RABGAP1L: variants seen among roughly 807,000 people sequenced by gnomAD.
RABGAP1L encodes the protein rab GTPase-activating protein 1-like.
A neutral mutation model predicts 137.7 loss-of-function variants in RABGAP1L; 63 were observed. That is an observed-to-expected ratio of 0.46 (90% CI 0.37 to 0.56). The LOEUF (loss-of-function observed/expected upper bound fraction) is 0.56. Ranked by LOEUF, RABGAP1L falls within the 20% of genes least tolerant of loss-of-function variation. RABGAP1L has a pLI of 0.00. For synonymous variants in RABGAP1L, 431 were observed against 433.7 expected (o/e 0.99, Z 0.08); for missense variants, 1,095 against 1,244.0 (o/e 0.88, Z 1.80).
At chr1:174,903,546 A>C (rs928453394) in intron 19 of RABGAP1L, among the ~76,000 whole-genome samples, 2 of 152,210 alleles carry the variant, frequency 1.3e-5, no homozygotes, top group Non-Finnish European at 2.9e-5. Flanking sequence ...GGGAAAGAGA[A>C]TTCTCAGCAA....
intron 19 of RABGAP1L, among the ~76,000 whole-genome samples, chr1:174,914,202 A>G (rs1289362711): frequency 6.6e-6 from 1 of 152,206 alleles, no homozygotes; most frequent in African/African-American, 2.4e-5. Flanking sequence ...TGAGAGGTCC[A>G]AGGCCAGTAG....
intron 13 of RABGAP1L, among the ~76,000 whole-genome samples, chr1:174,610,426 G>A (rs1345514875): frequency 2.0e-5 from 3 of 151,794 alleles, no homozygotes; most frequent in Non-Finnish European, 2.9e-5. Flanking sequence ...TGGTGTATAT[G>A]TGCCACATTT....
chr1:174,661,962 A>C (rs1398974142), intron 14 of RABGAP1L, among the ~76,000 whole-genome samples: 2 of 152,116 alleles, frequency 1.3e-5, no homozygotes, highest in Non-Finnish European at 2.9e-5. Context: ...ATAGTAAACA[A>C]CTATATTACT....
chr1:174,513,698 C>A (rs925397079), intron 13 of RABGAP1L, among the ~76,000 whole-genome samples: 50 of 152,216 alleles, frequency 3.3e-4, no homozygotes, highest in African/African-American at 1.1e-3. Flanking sequence ...TAAGCTATAC[C>A]ATATTACTGA....
intron 19 of RABGAP1L, among the ~76,000 whole-genome samples, chr1:174,838,692 G>A (rs1471247873): frequency 6.6e-6 from 1 of 151,952 alleles, no homozygotes; most frequent in East Asian, 1.9e-4. Flanking sequence ...CACTTTGGGA[G>A]GCCGAGGCGG....
At chr1:174,853,555 C>A (rs998687367) in intron 19 of RABGAP1L, among the ~76,000 whole-genome samples, 1 of 152,044 alleles carries the variant, frequency 6.6e-6, no homozygotes, top group Non-Finnish European at 1.5e-5. Context: ...CACGGTGAAA[C>A]CCTGTCTCTA....
At chr1:174,374,410 G>A (rs1685350370) in intron 12 of RABGAP1L, among the ~76,000 whole-genome samples, 3 of 152,010 alleles carry the variant, frequency 2.0e-5, no homozygotes, top group African/African-American at 7.3e-5. Flanking sequence ...CTGAGAATTG[G>A]GTGCTTACTT....
intron 1 of RABGAP1L, among the ~76,000 whole-genome samples, chr1:174,184,289 T>TC (rs1241270062): frequency 3.3e-5 from 5 of 152,216 alleles, no homozygotes; most frequent in African/African-American, 9.7e-5. Context: ...GTCTGTCTGT[T>TC]CATCTACTGA....
At chr1:174,551,589 T>C (rs1206280713) in intron 13 of RABGAP1L, among the ~76,000 whole-genome samples, 2 of 152,142 alleles carry the variant, frequency 1.3e-5, no homozygotes, top group African/African-American at 4.8e-5. Context: ...ATAGTGTAAG[T>C]TTCTTTCTCA....
chr1:174,567,591 G>A (rs573245809), intron 13 of RABGAP1L, among the ~76,000 whole-genome samples: 4 of 152,166 alleles, frequency 2.6e-5, no homozygotes, highest in Admixed American at 2.6e-4. Context: ...TATGGTCTAA[G>A]TTATAGGGGT....
At chr1:174,902,973 G>A (rs1049920157) in intron 19 of RABGAP1L, among the ~76,000 whole-genome samples, 3 of 152,168 alleles carry the variant, frequency 2.0e-5, no homozygotes, top group African/African-American at 7.2e-5. Flanking sequence ...TAAAAGGTGA[G>A]GAAACTAAGG....
At chr1:174,481,859 A>G (rs971786161) in intron 13 of RABGAP1L, among the ~76,000 whole-genome samples, 6 of 151,434 alleles carry the variant, frequency 4.0e-5, no homozygotes, top group African/African-American at 1.5e-4. Flanking sequence ...ATGTACCCTA[A>G]AACTTAAAGT....
chr1:174,343,788 A>G (rs1165060158), intron 11 of RABGAP1L, among the ~76,000 whole-genome samples: 1 of 152,116 alleles, frequency 6.6e-6, no homozygotes, highest in African/African-American at 2.4e-5. Context: ...TTGGATTTTT[A>G]TCTGTTAAGC....
chr1:174,942,620 C>T (rs1012648921), intron 19 of RABGAP1L, among the ~76,000 whole-genome samples: 2 of 152,154 alleles, frequency 1.3e-5, no homozygotes, highest in African/African-American at 4.8e-5. Context: ...AGAACAGCAC[C>T]TACTTCAGAG....
At chr1:174,543,372 C>G (rs913624346) in intron 13 of RABGAP1L, among the ~76,000 whole-genome samples, 11 of 152,006 alleles carry the variant, frequency 7.2e-5, no homozygotes, top group Non-Finnish European at 8.8e-5. Context: ...CTCTTTTGAT[C>G]TTTGTTGGTT....
Position 174,993,729 on chromosome 1 carries a change from T to A in RABGAP1L, c.*3728T>A, listed in dbSNP as rs534124886. On this transcript the variant is annotated 3_prime_UTR_variant, in exon 26 of 26. Transcript: ENST00000681986. ...GGGCCCCTTTAAGGGAAAAAACTTT[T>A]AAAAAATTAAATGCCTTGGTTTTGT... The A allele has an allele frequency of 1.3e-5, 2 of 152,354 alleles. No homozygotes were observed. The highest frequency in any genetic ancestry group is 2.1e-4 in the South Asian group (1 of 4,834). The allele number at this position is 152,354 out of a possible 1,614,324, so 9.4% of individuals were successfully genotyped here.
intron 17 of RABGAP1L, among the ~76,000 whole-genome samples, chr1:174,748,716 G>GA (rs890419714): frequency 6.7e-5 from 10 of 149,636 alleles, no homozygotes; most frequent in Non-Finnish European, 1.2e-4. Flanking sequence ...CAAAAAAAAA[G>GA]AAAAAAAAAT....
At chr1:174,167,424 A>G (rs1000049134) in intron 1 of RABGAP1L, among the ~76,000 whole-genome samples, 2 of 152,212 alleles carry the variant, frequency 1.3e-5, no homozygotes, top group South Asian at 2.1e-4. Context: ...TTTACATATC[A>G]TTAGTTCTTG....
intron 15 of RABGAP1L, among the ~76,000 whole-genome samples, chr1:174,695,948 A>C (rs1364815293): frequency 6.6e-6 from 1 of 152,110 alleles, no homozygotes; most frequent in Non-Finnish European, 1.5e-5. Context: ...CCCCTGAATA[A>C]ATAGTGTTTT....
Sources: gnomAD v4.1 joint callset for allele counts (sites outside exome capture counted in the v4.1 genomes callset) on GRCh38, gnomAD v4.1.1 for gene constraint, MANE v1.5 for transcripts, NCBI Gene and HGNC (gene_info 2026-07-23, HGNC 2026-07-21) for gene names.